Variants in PCDH15 observed in about 807,000 individuals in gnomAD.
The protein encoded by PCDH15 is protocadherin related 15, also known as protocadherin-15.
A neutral mutation model predicts 178.5 loss-of-function variants in PCDH15; 129 were observed. The ratio of observed to expected loss-of-function variants is 0.72; its 90% CI spans 0.63 to 0.84. The LOEUF is 0.84. Ranked by LOEUF, PCDH15 falls within the 40% of genes least tolerant of loss-of-function variation. The pLI is 0.00. For synonymous variants in PCDH15, 800 were observed against 732.0 expected (o/e 1.09, Z -1.50); for missense variants, 2,230 against 2,099.9 (o/e 1.06, Z -1.21).
intron 3 of PCDH15, among the ~76,000 whole-genome samples, chr10:54,515,522 C>G (rs2082121940): frequency 6.6e-6 from 1 of 152,242 alleles, no homozygotes; most frequent in Non-Finnish European, 1.5e-5. Flanking sequence ...CTCAAGGAGG[C>G]CTGCGGCCTC....
chr10:54,869,847 T>G (rs899947913), intron 3 of PCDH15, among the ~76,000 whole-genome samples: 1 of 152,168 alleles, frequency 6.6e-6, no homozygotes, highest in Admixed American at 6.5e-5. Context: ...ATAAGCACAC[T>G]GCTTTAAATA....
Position 54,260,133 on chromosome 10 carries a change from G to A in PCDH15, c.877-23202C>T, listed in dbSNP as rs577821384. On this transcript the variant is annotated intron_variant, in intron 8 of 37. Coordinates refer to ENST00000644397, the MANE Select transcript of PCDH15 (RefSeq NM_001384140.1). ...CGTATGTAAAATAAAACCATAATAA[G>A]CTTTTAAAATAGTTTAAGGTACAAA... 1.2e-4 allele frequency among the ~76,000 whole-genome samples: 18 copies of A among 152,130 alleles called. No individual in the cohort carries two copies. The South Asian group carries it at 3.3e-3, about 28-fold the overall frequency.
chr10:54,623,874 T>A (rs2093463172), intron 2 of PCDH15, among the ~76,000 whole-genome samples: 1 of 152,122 alleles, frequency 6.6e-6, no homozygotes, highest in Non-Finnish European at 1.5e-5. Context: ...CTTTGATCTG[T>A]GTTGTCATGA....
intron 3 of PCDH15, among the ~76,000 whole-genome samples, chr10:54,855,669 G>C (rs889544428): frequency 6.6e-6 from 1 of 152,088 alleles, no homozygotes; most frequent in African/African-American, 2.4e-5. Flanking sequence ...ATTGAAGTAA[G>C]AGTTTAAAAA....
rs147262181 is a variant in PCDH15 at position 54,016,949 on chromosome 10, T to C, written c.2751+3243A>G. ...TCATTTGAATTACTCACCCGACCATTCCCTAAACCTTTTGAATTAAAATAA... is the reference window on the plus strand; with the variant it reads ...TCATTTGAATTACTCACCCGACCATCCCCTAAACCTTTTGAATTAAAATAA... On this transcript the variant is annotated intron_variant, in intron 20 of 37. Coordinates refer to ENST00000644397, the MANE Select transcript of PCDH15 (RefSeq NM_001384140.1). Among the ~76,000 whole-genome samples the C allele has an allele frequency of 5.9e-3, 892 of 152,272 alleles. 6 individuals carry two copies. Among genetic ancestry groups the C allele is most frequent in the African/African-American group, 0.02 (825 of 41,544 alleles).
intron 14 of PCDH15, among the ~76,000 whole-genome samples, chr10:54,150,753 TGGG>T (rs1213690829): frequency 1.3e-5 from 2 of 152,082 alleles, no homozygotes; most frequent in Non-Finnish European, 1.5e-5. Context: ...TTAATTATTT[TGGG>T]GGATTTCTTG....
rs946313769 is a variant in PCDH15, at chr10:54,153,084, T to A, written c.1784+16A>T. ...GGGCCCGATGAAAAGACTGCATTGG[T>A]TCTAATATAAATTACCTTCGCTCTG... On this transcript the variant is annotated intron_variant, in intron 14 of 37. Coordinates refer to ENST00000644397, the MANE Select transcript of PCDH15 (RefSeq NM_001384140.1). 9.9e-6 allele frequency: 16 copies of A among 1,613,484 alleles called. No homozygotes were observed. The highest frequency in any genetic ancestry group is 1.4e-5 in the Non-Finnish European group (16 of 1,179,640).
At chr10:54,341,249 T>G (rs1942168632) in intron 6 of PCDH15, among the ~76,000 whole-genome samples, 1 of 152,098 alleles carries the variant, frequency 6.6e-6, no homozygotes, top group South Asian at 2.1e-4. Flanking sequence ...AATCCCCATG[T>G]ATTGAGGGAG....
intron 1 of PCDH15, among the ~76,000 whole-genome samples, chr10:55,306,874 T>A (rs1329168074): frequency 3.9e-5 from 6 of 152,212 alleles, no homozygotes; most frequent in African/African-American, 1.4e-4. Context: ...AAAAATAACA[T>A]GGCACAATGA....
chr10:54,868,508 A>C (rs2131790497), intron 3 of PCDH15, among the ~76,000 whole-genome samples: 1 of 152,244 alleles, frequency 6.6e-6, no homozygotes, highest in East Asian at 1.9e-4. Context: ...CTCCTGAGAA[A>C]GTTAAAACTC....
intron 18 of PCDH15, among the ~76,000 whole-genome samples, chr10:54,032,263 CTGAG>C (rs1565074111): frequency 2.6e-5 from 4 of 151,962 alleles, no homozygotes; most frequent in African/African-American, 4.8e-5. Context: ...TCAGAAGCAT[CTGAG>C]TAAGCTAAAT....
intron 2 of PCDH15, among the ~76,000 whole-genome samples, chr10:55,532,278 T>C (rs1306975166): frequency 6.6e-6 from 1 of 152,034 alleles, no homozygotes; most frequent in Non-Finnish European, 1.5e-5. Context: ...TTGACTAAAC[T>C]AGTAAGAGGC....
At chr10:54,007,509 A>G (rs1564993009) in intron 20 of PCDH15, among the ~76,000 whole-genome samples, 1 of 152,156 alleles carries the variant, frequency 6.6e-6, no homozygotes, top group African/African-American at 2.4e-5. Flanking sequence ...TACAAGGAAA[A>G]AGCCTTGTTA....
rs1294600488 is a variant in PCDH15, at chr10:54,307,019, T to C, written c.876+10252A>G. 8.3e-3 allele frequency among the ~76,000 whole-genome samples: 220 copies of C among 26,424 alleles called. 11 individuals carry two copies. The highest frequency in any genetic ancestry group is 0.025 in the African/African-American group (199 of 8,002). 17.3% of individuals were successfully genotyped at this position (26,424 alleles called of 152,430 possible). ...AATTAAATATATATATATATACATA[T>C]ATATATATATGTGTGTGTGTGTATA... On this transcript the variant is annotated intron_variant, in intron 8 of 37. Coordinates refer to ENST00000644397, the MANE Select transcript of PCDH15 (RefSeq NM_001384140.1).
chr10:54,620,323 A>G (rs1444517023), intron 2 of PCDH15, among the ~76,000 whole-genome samples: 8 of 152,098 alleles, frequency 5.3e-5, no homozygotes, highest in Admixed American at 5.2e-4. Flanking sequence ...ATACAGTCAC[A>G]TATCATATAG....
chr10:54,170,767 C>A (rs995736221), intron 13 of PCDH15, among the ~76,000 whole-genome samples: 5 of 152,048 alleles, frequency 3.3e-5, no homozygotes, highest in African/African-American at 9.7e-5. Context: ...GGCCTAATCC[C>A]CACACACCAG....
chr10:54,976,216 A>T (rs1232032424), intron 2 of PCDH15, among the ~76,000 whole-genome samples: 4 of 152,200 alleles, frequency 2.6e-5, no homozygotes, highest in Admixed American at 6.6e-5. Flanking sequence ...AAAGAAAGAA[A>T]ACAAAATATC....
At chr10:54,075,167 G>A (rs1226371209) in intron 17 of PCDH15, among the ~76,000 whole-genome samples, 1 of 151,970 alleles carries the variant, frequency 6.6e-6, no homozygotes, top group Non-Finnish European at 1.5e-5. Flanking sequence ...CACGAGGTCA[G>A]GAGATTGAGA....
intron 32 of PCDH15, chr10:53,822,062 GT>G (rs2076304979): frequency 6.2e-7 from 1 of 1,614,058 alleles, no homozygotes; most frequent in Non-Finnish European, 8.5e-7. Context: ...GTTCTGCTAA[GT>G]TTTTAACGTG....
Sources: allele counts gnomAD v4.1 joint callset (sites outside exome capture counted in the v4.1 genomes callset), GRCh38; gene constraint gnomAD v4.1.1; transcripts MANE v1.5; gene names NCBI Gene and HGNC (gene_info 2026-07-23, HGNC 2026-07-21).